AGBL4: variants seen among roughly 807,000 people sequenced by gnomAD.
The protein encoded by AGBL4 is AGBL carboxypeptidase 4.
In AGBL4, 58 loss-of-function variants were observed where a neutral mutation model predicts 66.4. The ratio of observed to expected loss-of-function variants is 0.87; its 90% CI spans 0.71 to 1.09. AGBL4 has a LOEUF of 1.09. Ranked by LOEUF, AGBL4 falls within the 50% of genes least tolerant of loss-of-function variation. The pLI is 0.00. For synonymous variants in AGBL4, 234 were observed against 222.9 expected (o/e 1.05, Z -0.44); for missense variants, 579 against 631.0 (o/e 0.92, Z 0.88).
intron 8 of AGBL4, among the ~76,000 whole-genome samples, chr1:48,646,144 G>A (rs74076206): frequency 0.024 from 3,619 of 152,212 alleles, 147 homozygotes; most frequent in African/African-American, 0.083. Flanking sequence ...TTGGAAGGGA[G>A]GGAACAACCT....
intron 4 of AGBL4, among the ~76,000 whole-genome samples, chr1:49,164,677 T>A (rs1248533801): frequency 1.3e-5 from 2 of 152,184 alleles, no homozygotes; most frequent in Non-Finnish European, 2.9e-5. Flanking sequence ...CTCAGGAATG[T>A]CACTTAACCT....
At chr1:48,847,430 T>C (rs1359947774) in intron 6 of AGBL4, among the ~76,000 whole-genome samples, 2 of 149,110 alleles carry the variant, frequency 1.3e-5, no homozygotes, top group East Asian at 3.9e-4. Context: ...TATTTTAGAA[T>C]TGGCGTTCTC....
At chr1:49,505,986 T>G (rs1349116419) in intron 3 of AGBL4, among the ~76,000 whole-genome samples, 4 of 152,050 alleles carry the variant, frequency 2.6e-5, no homozygotes, top group African/African-American at 9.7e-5. Flanking sequence ...TCATTTCTGG[T>G]GTTGATACTC....
chr1:49,845,462 A>G (rs1646115188), intron 2 of AGBL4: 22 of 1,534,680 alleles, frequency 1.4e-5, no homozygotes, highest in Non-Finnish European at 1.8e-5. Flanking sequence ...CACCTCACCC[A>G]GCACCTGCGA....
chr1:48,961,811 G>A (rs926678336), intron 5 of AGBL4, among the ~76,000 whole-genome samples: 9 of 152,314 alleles, frequency 5.9e-5, no homozygotes, highest in African/African-American at 2.2e-4. Context: ...GGAGGCCTGG[G>A]TCTCTGCCCT....
At chr1:48,955,038 G>A (rs1657318438) in intron 5 of AGBL4, among the ~76,000 whole-genome samples, 2 of 152,206 alleles carry the variant, frequency 1.3e-5, no homozygotes, top group Non-Finnish European at 2.9e-5. Context: ...TAAGAGGGAT[G>A]AGAAGATTCA....
At chr1:49,216,419 C>T (rs906645593) in intron 4 of AGBL4, among the ~76,000 whole-genome samples, 1 of 152,096 alleles carries the variant, frequency 6.6e-6, no homozygotes, top group Admixed American at 6.6e-5. Flanking sequence ...TCCTTCCCCT[C>T]TCTATTAGTC....
chr1:49,357,940 G>A (rs763673945), intron 3 of AGBL4, among the ~76,000 whole-genome samples: 56 of 151,910 alleles, frequency 3.7e-4, no homozygotes, highest in Non-Finnish European at 6.8e-4. Flanking sequence ...CATCCTCTAG[G>A]TCCCATGTCC....
chr1:48,926,713 C>T (rs1335992154), intron 5 of AGBL4, among the ~76,000 whole-genome samples: 1 of 152,140 alleles, frequency 6.6e-6, no homozygotes, highest in African/African-American at 2.4e-5. Context: ...CCTATTACTA[C>T]CAAACAGCAA....
At chr1:49,353,481 A>G (rs762105589) in intron 3 of AGBL4, among the ~76,000 whole-genome samples, 4 of 152,188 alleles carry the variant, frequency 2.6e-5, no homozygotes, top group African/African-American at 4.8e-5. Context: ...GTACTTATAC[A>G]TGATCCACAG....
intron 3 of AGBL4, among the ~76,000 whole-genome samples, chr1:49,545,396 T>C (rs974139210): frequency 1.3e-5 from 2 of 152,204 alleles, no homozygotes; most frequent in Admixed American, 6.5e-5. Context: ...CCAGTCAAGT[T>C]TTCAGATGAG....
chr1:49,727,540 G>T (rs1280882550), intron 2 of AGBL4, among the ~76,000 whole-genome samples: 1 of 152,060 alleles, frequency 6.6e-6, no homozygotes. Context: ...TAAAACGTTT[G>T]AAAATATCTA....
Position 48,697,266 on chromosome 1 carries a change from A to C in AGBL4, c.635-34025T>G, listed in dbSNP as rs577352587. Among the ~76,000 whole-genome samples, 57 of 152,292 alleles carry C rather than the reference A, an allele frequency of 3.7e-4. No individual in the cohort carries two copies. The South Asian group carries it at 0.012, about 32-fold the overall frequency. On this transcript the variant is annotated intron_variant, in intron 6 of 13. Coordinates refer to ENST00000371839, the MANE Select transcript of AGBL4 (RefSeq NM_032785.4). ...ACCTGGTTCATTAGGAGAGGAAGGAATGAAAATGCCCCGTGCTGCCACCTG... is the reference window on the plus strand; with the variant it reads ...ACCTGGTTCATTAGGAGAGGAAGGACTGAAAATGCCCCGTGCTGCCACCTG...
intron 5 of AGBL4, among the ~76,000 whole-genome samples, chr1:48,957,763 G>C (rs897620720): frequency 6.6e-6 from 1 of 152,196 alleles, no homozygotes; most frequent in African/African-American, 2.4e-5. Context: ...ATTGACTTCA[G>C]TGATTTCCTA....
intron 5 of AGBL4, among the ~76,000 whole-genome samples, chr1:48,868,504 G>A (rs1648332885): frequency 6.6e-6 from 1 of 152,042 alleles, no homozygotes; most frequent in Non-Finnish European, 1.5e-5. Flanking sequence ...TAAATGGCAG[G>A]GTCAGGATTA....
intron 2 of AGBL4, among the ~76,000 whole-genome samples, chr1:49,709,354 C>G (rs1010099174): frequency 1.3e-5 from 2 of 152,188 alleles, no homozygotes; most frequent in South Asian, 4.1e-4. Flanking sequence ...TGTGTTTATA[C>G]TGTGAGGGAA....
At chr1:48,600,591 C>A (rs746802830) in intron 9 of AGBL4, among the ~76,000 whole-genome samples, 6 of 152,268 alleles carry the variant, frequency 3.9e-5, no homozygotes, top group Non-Finnish European at 8.8e-5. Context: ...TATAACAATC[C>A]TATAAGGGTA....
intron 1 of AGBL4, among the ~76,000 whole-genome samples, chr1:49,920,296 A>T (rs1652072635): frequency 6.6e-6 from 1 of 152,234 alleles, no homozygotes; most frequent in Non-Finnish European, 1.5e-5. Flanking sequence ...ATCAGAGTAA[A>T]CAGGCCACCT....
intron 6 of AGBL4, among the ~76,000 whole-genome samples, chr1:48,763,299 A>G (rs1311681182): frequency 1.3e-5 from 2 of 152,198 alleles, no homozygotes; most frequent in Admixed American, 1.3e-4. Flanking sequence ...CATTGTGCCT[A>G]TAAAACACAT....
Sources: allele counts gnomAD v4.1 joint callset (sites outside exome capture counted in the v4.1 genomes callset), GRCh38; gene constraint gnomAD v4.1.1; transcripts MANE v1.5; gene names NCBI Gene and HGNC (gene_info 2026-07-23, HGNC 2026-07-21).